The following AJAP1 variants were observed in gnomAD, a reference collection of about 807,000 sequenced individuals.
The protein encoded by AJAP1 is adherens junctions associated protein 1, also known as adherens junction-associated protein 1.
In AJAP1, 5 loss-of-function variants were observed where a neutral mutation model predicts 35.0. The observed-to-expected ratio is 0.14, with a 90% CI of 0.07 to 0.30. The LOEUF (loss-of-function observed/expected upper bound fraction) is 0.30. AJAP1 is among the 10% of genes least tolerant of loss of function. AJAP1 has a pLI of 1.00. For synonymous variants in AJAP1, 284 were observed against 249.3 expected, an observed-to-expected ratio of 1.14 and a Z score of -1.31; for missense variants, 586 against 571.0, an observed-to-expected ratio of 1.03 and a Z score of -0.27.
In AJAP1 at chr1:4,782,438, A is replaced by ATG; in HGVS notation, c.*60-106_*60-105dup. On this transcript the variant is annotated intron_variant, in intron 5 of 5. Coordinates refer to ENST00000378191, the MANE Select transcript of AJAP1 (RefSeq NM_018836.4). This position sits in a 1 kb window ranked among gnomAD's most constrained non-coding sequence, Gnocchi z 5.3. ...GATAAAGGGAGTGATCGGGCTCTGC[A>ATG]TGCGGGGGTGCTGCGTGTGGGGGTC... The ATG allele has an allele frequency of 3.9e-6, 1 of 259,112 alleles. No homozygotes were observed. 16.1% of individuals were successfully genotyped at this position (259,112 alleles called of 1,614,324 possible).
intron 1 of AJAP1, among the ~76,000 whole-genome samples, chr1:4,669,642 G>A (rs1639209036): frequency 6.6e-6 from 1 of 152,198 alleles, no homozygotes; most frequent in African/African-American, 2.4e-5. Flanking sequence ...TTTGGATGGG[G>A]ACACAGCCAA....
chr1:4,764,199 T>C (rs1329450876), intron 2 of AJAP1, among the ~76,000 whole-genome samples: 1 of 152,208 alleles, frequency 6.6e-6, no homozygotes, highest in Non-Finnish European at 1.5e-5. Context: ...TGGTTTTGTT[T>C]CTCTGGAGAA....
chr1:4,712,633 C>T lies in AJAP1; in HGVS notation c.763C>T (p.Pro255Ser), dbSNP rs143599436. Residue 255 changes from proline (P) to serine (S), a missense_variant, in exon 2 of 6, where the codon CCT becomes TCT. Coordinates refer to ENST00000378191, the MANE Select transcript of AJAP1 (RefSeq NM_018836.4). ...CCCAGGTGGGGTTAGCACAACGGAG[C>T]CTTCCACCAGTCCCAGCAACAACGG... is the stretch of plus-strand genomic sequence containing the variant. ...RIPGGVSTTEPSTSPSNNGEV... is the reference protein window; with the variant it reads ...RIPGGVSTTESSTSPSNNGEV... 25 of 1,565,968 alleles carry T rather than the reference C, an allele frequency of 1.6e-5. No homozygotes were observed. The highest frequency in any genetic ancestry group is 1.5e-4 in the South Asian group (13 of 85,540).
intron 2 of AJAP1, among the ~76,000 whole-genome samples, chr1:4,754,785 T>C (rs1570198942): frequency 6.6e-6 from 1 of 152,244 alleles, no homozygotes; most frequent in East Asian, 1.9e-4. Flanking sequence ...GCCGTTTTCC[T>C]ATGGCTTCCT....
intron 1 of AJAP1, among the ~76,000 whole-genome samples, chr1:4,661,394 A>C (rs1302970210): frequency 6.6e-6 from 1 of 152,216 alleles, no homozygotes; most frequent in African/African-American, 2.4e-5. Flanking sequence ...CATGTTCCTC[A>C]GGGTGGCCCT....
intron 1 of AJAP1, among the ~76,000 whole-genome samples, chr1:4,696,182 A>G (rs1206242399): frequency 1.3e-5 from 2 of 152,152 alleles, no homozygotes; most frequent in South Asian, 4.1e-4. Context: ...TCCCTGGCCC[A>G]GGCAGTGCTG....
rs1444557121 is a variant in AJAP1, at chr1:4,714,892, C to T, written c.829+2193C>T. 2.6e-5 allele frequency among the ~76,000 whole-genome samples: 4 copies of T among 152,256 alleles called. No homozygotes were observed. In the East Asian group the frequency reaches 7.7e-4, roughly 29 times the overall value. ...GGGTTCCTCATAGCCCAGTGGGTAC[C>T]ATGTAAATGAATTAGACCAGAGCAG... On this transcript the variant is annotated intron_variant, in intron 2 of 5. Transcript: ENST00000378191.
At position 4,686,558 on chromosome 1, in the gene AJAP1, ACACTAATTCTG is replaced by A. The variant is rs1639610693; in HGVS notation, c.30-25340_30-25330del. Among the ~76,000 whole-genome samples, 3 of 152,358 alleles carry A rather than the reference ACACTAATTCTG, an allele frequency of 2.0e-5. No individual in the cohort carries two copies. The East Asian group carries it at 5.8e-4, about 29-fold the overall frequency. ...ATAAACCCCAGTCTTTATGGATAAT[ACACTAATTCTG>A]CGGGAGCGCATAAGCCCACGCCAGC... On this transcript the variant is annotated intron_variant, in intron 1 of 5. Transcript: ENST00000378191.
chr1:4,764,874 T>C (rs2100351801), intron 2 of AJAP1, among the ~76,000 whole-genome samples: 1 of 152,314 alleles, frequency 6.6e-6, no homozygotes, highest in South Asian at 2.1e-4. Flanking sequence ...TGATTCAGCT[T>C]CATTTAATAA....
Position 4,693,284 on chromosome 1 carries a change from AG to A in AJAP1, c.30-18612del, listed in dbSNP as rs112531500. ...CTGAGGGGAGAAGCAGCCCGTGGTC[AG>A]GGGACGTCAGGGGCATGTGCTGATG... On this transcript the variant is annotated intron_variant, in intron 1 of 5. Coordinates refer to ENST00000378191, the MANE Select transcript of AJAP1 (RefSeq NM_018836.4). This position sits in a 1 kb window ranked among gnomAD's most constrained non-coding sequence, Gnocchi z 4.4. Among the ~76,000 whole-genome samples, 6,845 of 149,688 alleles carry A rather than the reference AG, an allele frequency of 0.046. 179 individuals carry two copies. Among genetic ancestry groups the A allele is most frequent in the Middle Eastern group, 0.078 (23 of 294 alleles).
At chr1:4,731,721 C>T (rs1048700211) in intron 2 of AJAP1, among the ~76,000 whole-genome samples, 2 of 152,212 alleles carry the variant, frequency 1.3e-5, no homozygotes, top group African/African-American at 4.8e-5. Context: ...ACCTGGGCTC[C>T]AGCCTGCCTG....
intron 2 of AJAP1, among the ~76,000 whole-genome samples, chr1:4,747,676 A>G (rs1464535352): frequency 1.3e-5 from 2 of 152,158 alleles, no homozygotes; most frequent in East Asian, 1.9e-4. Flanking sequence ...TAAGTCCACA[A>G]TTGCCGACCT....
intron 1 of AJAP1, among the ~76,000 whole-genome samples, chr1:4,706,453 TCTC>T (rs1240801122): frequency 9.9e-5 from 15 of 152,076 alleles, no homozygotes; most frequent in African/African-American, 3.4e-4. Context: ...GCAGCATCCT[TCTC>T]CTGGGCCCCA....
At chr1:4,669,665 A>G (rs1557601587) in intron 1 of AJAP1, among the ~76,000 whole-genome samples, 1 of 152,162 alleles carries the variant, frequency 6.6e-6, no homozygotes, top group Admixed American at 6.5e-5. Flanking sequence ...CACATCATAC[A>G]ATATGTAACC....
At chr1:4,700,443 A>T (rs189469422) in intron 1 of AJAP1, among the ~76,000 whole-genome samples, 48 of 152,186 alleles carry the variant, frequency 3.2e-4, no homozygotes, top group Non-Finnish European at 5.6e-4. Flanking sequence ...ACCCCAGAGG[A>T]TCCTCATGTG....
intron 2 of AJAP1, among the ~76,000 whole-genome samples, chr1:4,736,204 C>G (rs1176326513): frequency 6.6e-6 from 1 of 152,242 alleles, no homozygotes; most frequent in African/African-American, 2.4e-5. Context: ...ATAGTTGCCC[C>G]ATCAGTTCTC....
chr1:4,780,524 G>A, intron 5 of AJAP1, among the ~76,000 whole-genome samples: 1 of 152,014 alleles, frequency 6.6e-6, no homozygotes, highest in Non-Finnish European at 1.5e-5. Context: ...TGGAAGAGGT[G>A]GGCAGGGGTG....
At chr1:4,724,378 T>C (rs1640601401) in intron 2 of AJAP1, among the ~76,000 whole-genome samples, 1 of 152,126 alleles carries the variant, frequency 6.6e-6, no homozygotes, top group South Asian at 2.1e-4. Context: ...GAGCTGGACA[T>C]CCTCATCTGC....
intron 1 of AJAP1, among the ~76,000 whole-genome samples, chr1:4,695,158 GA>G (rs1451692636): frequency 4.6e-5 from 7 of 152,126 alleles, no homozygotes; most frequent in Admixed American, 2.6e-4. Flanking sequence ...TCCCTACAGG[GA>G]GTGGCCATGT....
Sources: gnomAD v4.1 joint callset for allele counts (sites outside exome capture counted in the v4.1 genomes callset) on GRCh38, gnomAD v4.1.1 for gene constraint, Gnocchi (gnomAD v3.1) non-coding constraint, MANE v1.5 for transcripts, NCBI Gene and HGNC (gene_info 2026-07-23, HGNC 2026-07-21) for gene names.